The following GABRB2 variants were observed in gnomAD, a reference collection of about 807,000 sequenced individuals.
GABRB2 encodes the protein gamma-aminobutyric acid receptor subunit beta-2.
Under a neutral mutation model 54.7 loss-of-function variants are expected in GABRB2, and 16 were observed. The observed-to-expected ratio is 0.29, with a 90% CI of 0.20 to 0.44. The LOEUF is 0.44. Among genes scored for constraint, GABRB2 ranks in the 20% least tolerant of loss-of-function variants. The pLI is 1.00. For synonymous variants in GABRB2, 244 were observed against 233.8 expected, an observed-to-expected ratio of 1.04 and a Z score of -0.40; for missense variants, 355 against 644.0, an observed-to-expected ratio of 0.55 and a Z score of 4.86.
chr5:161,521,822 T>C (rs575593900), intron 3 of GABRB2, among the ~76,000 whole-genome samples: 1 of 151,994 alleles, frequency 6.6e-6, no homozygotes, highest in African/African-American at 2.4e-5. Flanking sequence ...GTCAAAGTCA[T>C]AAATCTCTGC....
At chr5:161,328,790 A>T (rs1398734630) in intron 8 of GABRB2, among the ~76,000 whole-genome samples, 1 of 152,144 alleles carries the variant, frequency 6.6e-6, no homozygotes, top group African/African-American at 2.4e-5. Flanking sequence ...GCCTCTACAC[A>T]CTAGATACCA....
intron 3 of GABRB2, among the ~76,000 whole-genome samples, chr5:161,466,702 C>A (rs1379194041): frequency 6.6e-6 from 1 of 151,994 alleles, no homozygotes; most frequent in Non-Finnish European, 1.5e-5. Context: ...TGTCTCAAGC[C>A]TGCAGGTTGC....
intron 5 of GABRB2, among the ~76,000 whole-genome samples, chr5:161,403,815 A>G (rs1403661948): frequency 6.6e-6 from 1 of 152,204 alleles, no homozygotes; most frequent in East Asian, 1.9e-4. Context: ...GCAATCTGGA[A>G]GATAAGAATT....
At chr5:161,312,920 G>A (rs1218119310) in intron 9 of GABRB2, among the ~76,000 whole-genome samples, 1 of 152,150 alleles carries the variant, frequency 6.6e-6, no homozygotes, top group Non-Finnish European at 1.5e-5. Context: ...GTAAGCTCTT[G>A]GTAAACACTA....
At chr5:161,520,089 A>C (rs1432912027) in intron 3 of GABRB2, among the ~76,000 whole-genome samples, 1 of 152,168 alleles carries the variant, frequency 6.6e-6, no homozygotes, top group Admixed American at 6.5e-5. Flanking sequence ...TTTAATACCA[A>C]GTGAAATATA....
Position 161,455,600 on chromosome 5 carries a change from G to A in GABRB2, c.458+4024C>T, listed in dbSNP as rs533380604. ...GGCTGTAGCGCAGTGGCATGAATTCGCTCATTGCAACATCCGCCTCCTGGG... is the reference window on the plus strand; with the variant it reads ...GGCTGTAGCGCAGTGGCATGAATTCACTCATTGCAACATCCGCCTCCTGGG... On this transcript the variant is annotated intron_variant, in intron 4 of 9. Transcript: ENST00000393959. 6.5e-4 allele frequency among the ~76,000 whole-genome samples: 96 copies of A among 148,136 alleles called. 1 individual carries two copies. Among genetic ancestry groups the A allele is most frequent in the African/African-American group, 2.3e-3 (91 of 39,970 alleles).
chr5:161,490,527 C>A (rs1383992460), intron 3 of GABRB2, among the ~76,000 whole-genome samples: 4 of 151,646 alleles, frequency 2.6e-5, no homozygotes, highest in Non-Finnish European at 1.5e-5. Context: ...TATTATAAGT[C>A]ATTAAGCATT....
intron 3 of GABRB2, among the ~76,000 whole-genome samples, chr5:161,465,798 T>G (rs894110007): frequency 6.6e-6 from 1 of 152,154 alleles, no homozygotes; most frequent in African/African-American, 2.4e-5. Context: ...CGTTTTAACT[T>G]TATAGTTTGA....
At chr5:161,482,983 T>C (rs1286844478) in intron 3 of GABRB2, among the ~76,000 whole-genome samples, 1 of 152,072 alleles carries the variant, frequency 6.6e-6, no homozygotes, top group Non-Finnish European at 1.5e-5. Flanking sequence ...ATATGTGTCA[T>C]GATCAAATGT....
At chr5:161,297,808 T>A (rs1757425809) in intron 9 of GABRB2, among the ~76,000 whole-genome samples, 1 of 152,204 alleles carries the variant, frequency 6.6e-6, no homozygotes, top group South Asian at 2.1e-4. Flanking sequence ...GGTAATGGGA[T>A]TGCTGGGTCA....
chr5:161,330,562 C>T, intron 8 of GABRB2: 1 of 200,170 alleles, frequency 5.0e-6, no homozygotes, highest in Non-Finnish European at 1.0e-5. Flanking sequence ...ATTAAATTTC[C>T]TTTTTAAATA....
At chr5:161,387,674 C>T (rs1415660390) in intron 5 of GABRB2, among the ~76,000 whole-genome samples, 3 of 151,938 alleles carry the variant, frequency 2.0e-5, no homozygotes, top group Non-Finnish European at 4.4e-5. Flanking sequence ...TCTGAGAGAC[C>T]CCATCTTTCA....
intron 9 of GABRB2, among the ~76,000 whole-genome samples, chr5:161,317,689 A>G (rs191885826): frequency 7.9e-5 from 12 of 152,272 alleles, no homozygotes; most frequent in Non-Finnish European, 1.5e-4. Context: ...TTGTCATAGC[A>G]TGAATGAGAG....
At chr5:161,346,518 A>G (rs1338669353) in intron 5 of GABRB2, among the ~76,000 whole-genome samples, 1 of 152,170 alleles carries the variant, frequency 6.6e-6, no homozygotes, top group Non-Finnish European at 1.5e-5. Context: ...CAGAGAAAGT[A>G]AAGTCCCAGC....
chr5:161,456,695 T>C (rs1405497462), intron 4 of GABRB2, among the ~76,000 whole-genome samples: 3 of 152,132 alleles, frequency 2.0e-5, no homozygotes, highest in Admixed American at 1.3e-4. Context: ...AATAAGATAA[T>C]ATATGTAAAG....
chr5:161,507,077 A>G (rs1759628976), intron 3 of GABRB2, among the ~76,000 whole-genome samples: 1 of 152,088 alleles, frequency 6.6e-6, no homozygotes, highest in South Asian at 2.1e-4. Flanking sequence ...GTTCATCAAA[A>G]TGCCCAAATT....
intron 5 of GABRB2, among the ~76,000 whole-genome samples, chr5:161,396,779 A>G (rs1756014922): frequency 1.3e-5 from 2 of 152,290 alleles, no homozygotes; most frequent in African/African-American, 4.8e-5. Flanking sequence ...TGTCAATTAT[A>G]CCTTAATAAA....
In GABRB2 at chr5:161,326,415, G is replaced by A. The variant is rs756481987; in HGVS notation, c.1144C>T (p.Leu382Phe). ...YRSLWDPTGN[L>F]SPTRRTTNYD... Reference sequence around the variant, plus strand: ...TTGGTAGTCCGTCTAGTTGGGGAGAGGTTTCCAGTAGGGTCCCACAAGGAT... The same window carrying A: ...TTGGTAGTCCGTCTAGTTGGGGAGAAGTTTCCAGTAGGGTCCCACAAGGAT... Residue 382 changes from leucine to phenylalanine, a missense_variant, in exon 9 of 10, where the codon CTC becomes TTC. Around this residue, in one of 6 missense-constraint regions of GABRB2, gnomAD observed 201 missense variants for 228.1 expected, o/e 0.88. Transcript: ENST00000393959. 21 of 1,613,510 alleles carry A rather than the reference G, an allele frequency of 1.3e-5. No homozygotes were observed. In the South Asian group the frequency reaches 2.0e-4, roughly 15 times the overall value.
At chr5:161,517,840 A>T (rs932988003) in intron 3 of GABRB2, among the ~76,000 whole-genome samples, 7 of 150,970 alleles carry the variant, frequency 4.6e-5, no homozygotes, top group Non-Finnish European at 7.4e-5. Context: ...TCTGTTGCCC[A>T]TGCTGGAGTG....
Sources: allele counts gnomAD v4.1 joint callset (sites outside exome capture counted in the v4.1 genomes callset), GRCh38; gene constraint gnomAD v4.1.1; regional missense constraint gnomAD v4.1.1; transcripts MANE v1.5; gene names NCBI Gene and HGNC (gene_info 2026-07-23, HGNC 2026-07-21).